The following ENKUR variants were observed in gnomAD, a reference collection of about 807,000 sequenced individuals.
ENKUR encodes enkurin.
ENKUR carries 19 observed loss-of-function variants against 27.6 expected under a neutral mutation model. The ratio of observed to expected loss-of-function variants is 0.69; its 90% confidence interval spans 0.48 to 1.01. The LOEUF is 1.01. ENKUR is among the 50% of genes least tolerant of loss of function. The pLI, the probability that ENKUR is intolerant of heterozygous loss-of-function variation, is 0.00. For synonymous variants in ENKUR, 117 were observed against 96.9 expected, an observed-to-expected ratio of 1.21 and a Z score of -1.22; for missense variants, 312 against 310.5, an observed-to-expected ratio of 1.00 and a Z score of -0.04.
At chr10:25,049,977 A>C (rs1271260833) in intron 2 of ENKUR, among the ~76,000 whole-genome samples, 1 of 152,170 alleles carries the variant, frequency 6.6e-6, no homozygotes, top group Non-Finnish European at 1.5e-5. Flanking sequence ...TGGTGTCAGC[A>C]TCTGCATGGG....
At chr10:24,989,829 G>C (rs1849886389) in intron 4 of ENKUR, among the ~76,000 whole-genome samples, 1 of 152,052 alleles carries the variant, frequency 6.6e-6, no homozygotes, top group South Asian at 2.1e-4. Flanking sequence ...ACTATAAAAA[G>C]TACAAAGAGG....
chr10:25,011,193 C>T (rs1229601209), intron 1 of ENKUR, among the ~76,000 whole-genome samples: 3 of 152,090 alleles, frequency 2.0e-5, no homozygotes, highest in African/African-American at 7.2e-5. Flanking sequence ...CTCTGATGGC[C>T]AGTGATGATG....
At chr10:25,058,679 C>T (rs1851289231) in intron 2 of ENKUR, among the ~76,000 whole-genome samples, 2 of 150,918 alleles carry the variant, frequency 1.3e-5, no homozygotes, top group Non-Finnish European at 3.0e-5. Flanking sequence ...GCCTGTAATC[C>T]CAGCACTTTG....
chr10:25,053,952 C>T (rs1295215952), intron 2 of ENKUR, among the ~76,000 whole-genome samples: 2 of 152,218 alleles, frequency 1.3e-5, no homozygotes, highest in Admixed American at 1.3e-4. Flanking sequence ...CGCTTTCTTA[C>T]ACCAGTGGTC....
intron 2 of ENKUR, among the ~76,000 whole-genome samples, chr10:25,054,489 C>CTT (rs1554774518): frequency 2.5e-5 from 3 of 120,772 alleles, no homozygotes; most frequent in Non-Finnish European, 5.4e-5. Flanking sequence ...TTCTTTCTTT[C>CTT]TTTCTTTCTT....
At chr10:24,997,486 A>C (rs1031780471) in intron 2 of ENKUR, among the ~76,000 whole-genome samples, 1 of 150,912 alleles carries the variant, frequency 6.6e-6, no homozygotes, top group Non-Finnish European at 1.5e-5. Flanking sequence ...TCCTGGGCTC[A>C]GGTGATCCTC....
intron 4 of ENKUR, among the ~76,000 whole-genome samples, chr10:24,988,338 A>G (rs972874687): frequency 2.2e-4 from 31 of 143,824 alleles, no homozygotes; most frequent in Non-Finnish European, 2.9e-4. Flanking sequence ...ATATATGTGT[A>G]TATATATATT....
intron 2 of ENKUR, 147 bp from the exon 3 acceptor site, chr10:24,996,016 C>A: frequency 1.6e-6 from 1 of 611,492 alleles, no homozygotes; most frequent in Non-Finnish European, 2.6e-6. Context: ...TTATGCTTAC[C>A]CCCAAACTCA....
intron 2 of ENKUR, among the ~76,000 whole-genome samples, chr10:25,058,933 A>T (rs1355665338): frequency 1.6e-5 from 1 of 62,240 alleles, no homozygotes; most frequent in Non-Finnish European, 3.5e-5. Context: ...TCCATCTTAA[A>T]AAAAAAAAAA....
chr10:25,052,438 A>G (rs936871189), intron 2 of ENKUR, among the ~76,000 whole-genome samples: 1 of 152,186 alleles, frequency 6.6e-6, no homozygotes, highest in African/African-American at 2.4e-5. Context: ...CTAAATCCTC[A>G]GGAATAGTCA....
At chr10:25,035,661 A>G (rs575219098) in intron 2 of ENKUR, among the ~76,000 whole-genome samples, 12 of 152,166 alleles carry the variant, frequency 7.9e-5, no homozygotes, top group East Asian at 7.7e-4. Flanking sequence ...CATTTTTTCT[A>G]TGATGGTATT....
intron 4 of ENKUR, among the ~76,000 whole-genome samples, 161 bp downstream of exon 4, chr10:24,990,302 A>G (rs577591741): frequency 6.6e-6 from 1 of 152,346 alleles, no homozygotes; most frequent in East Asian, 1.9e-4. Flanking sequence ...TGCTCTCTCC[A>G]AAGAGTCAGC....
At chr10:25,035,572 AGT>A (rs1262416711) in intron 2 of ENKUR, among the ~76,000 whole-genome samples, 4 of 151,664 alleles carry the variant, frequency 2.6e-5, no homozygotes, top group African/African-American at 4.8e-5. Flanking sequence ...AAAAAAAAAA[AGT>A]GTAAATTTAT....
intron 1 of ENKUR, among the ~76,000 whole-genome samples, chr10:25,006,582 T>C (rs1250777545): frequency 6.6e-6 from 1 of 152,218 alleles, no homozygotes; most frequent in East Asian, 1.9e-4. Flanking sequence ...TAGGTCCTCA[T>C]TTGTAGCTCT....
At chr10:25,054,855 T>C (rs149268129) in intron 2 of ENKUR, among the ~76,000 whole-genome samples, 1 of 152,056 alleles carries the variant, frequency 6.6e-6, no homozygotes, top group African/African-American at 2.4e-5. Flanking sequence ...TTTTGTGTTT[T>C]TGTAGAGACA....
At chr10:25,041,478 T>G (rs528516163) in intron 2 of ENKUR, among the ~76,000 whole-genome samples, 3 of 152,316 alleles carry the variant, frequency 2.0e-5, no homozygotes, top group Admixed American at 6.5e-5. Context: ...CAAATATTTT[T>G]TGTGTCTCAA....
At chr10:25,051,514 G>A (rs116190120) in intron 2 of ENKUR, among the ~76,000 whole-genome samples, 105 of 152,256 alleles carry the variant, frequency 6.9e-4, no homozygotes, top group African/African-American at 2.5e-3. Context: ...GGGTGAAGGC[G>A]GAGCAGGCAT....
intron 5 of ENKUR, 53 bp from the exon 6 acceptor site, chr10:24,984,429 AG>A: frequency 6.4e-7 from 1 of 1,555,350 alleles, no homozygotes; most frequent in Non-Finnish European, 8.7e-7. Flanking sequence ...TTTATTTTTC[AG>A]GACCTAGAAA....
chr10:25,053,336 T>A (rs905143870), intron 2 of ENKUR, among the ~76,000 whole-genome samples: 1 of 152,192 alleles, frequency 6.6e-6, no homozygotes, highest in African/African-American at 2.4e-5. Flanking sequence ...AAATGAAGTA[T>A]ATAATACATT....
Sources: allele counts gnomAD v4.1 joint callset (sites outside exome capture counted in the v4.1 genomes callset), GRCh38; gene constraint gnomAD v4.1.1; transcripts MANE v1.5; gene names NCBI Gene and HGNC (gene_info 2026-07-23, HGNC 2026-07-21).